EFHC2: variants seen among roughly 807,000 people sequenced by gnomAD.
EFHC2 encodes the protein EF-hand domain-containing family member C2.
EFHC2 carries 18 observed loss-of-function variants against 52.7 expected under a neutral mutation model. That is an observed-to-expected ratio of 0.34 (90% CI 0.24 to 0.51). The LOEUF is 0.51. Ranked by LOEUF, EFHC2 falls within the 20% of genes least tolerant of loss-of-function variation. The pLI is 0.97. For missense variants in EFHC2, 513 were observed against 562.5 expected, an observed-to-expected ratio of 0.91 and a Z score of 0.89; for synonymous variants, 203 against 204.1, an observed-to-expected ratio of 0.99 and a Z score of 0.04.
At chrX:44,175,640 T>C (rs886181329) in intron 13 of EFHC2, among the ~76,000 whole-genome samples, 3 of 111,126 alleles carry the variant, frequency 2.7e-5, no homozygotes, top group African/African-American at 9.8e-5. Context: ...AGATAATATA[T>C]CCAAAACAAT....
intron 1 of EFHC2, among the ~76,000 whole-genome samples, chrX:44,320,790 C>T (rs974089812): frequency 1.8e-5 from 2 of 110,333 alleles, no homozygotes; most frequent in African/African-American, 6.6e-5. Flanking sequence ...CCGAGAGTCC[C>T]TTCTCCCCTC....
intron 1 of EFHC2, among the ~76,000 whole-genome samples, chrX:44,334,201 G>C (rs1405461189): frequency 8.9e-6 from 1 of 111,970 alleles, no homozygotes; most frequent in Non-Finnish European, 1.9e-5. Context: ...TTAGGTGTTT[G>C]AATCCTACAT....
At chrX:44,180,158 T>C (rs2036822774) in intron 11 of EFHC2, among the ~76,000 whole-genome samples, 1 of 111,992 alleles carries the variant, frequency 8.9e-6, no homozygotes, top group Non-Finnish European at 1.9e-5. Flanking sequence ...ACTGATGGAG[T>C]GGGGCTCAGT....
At chrX:44,171,997 T>C (rs1382967306) in intron 13 of EFHC2, among the ~76,000 whole-genome samples, 1 of 111,840 alleles carries the variant, frequency 8.9e-6, no homozygotes, top group Non-Finnish European at 1.9e-5. Context: ...CAGGTATTGT[T>C]GGGTGAAATC....
intron 7 of EFHC2, among the ~76,000 whole-genome samples, chrX:44,243,860 C>T (rs2037379460): frequency 8.9e-6 from 1 of 111,952 alleles, no homozygotes; most frequent in South Asian, 3.7e-4. Flanking sequence ...TTGCAGTAGA[C>T]TCTATCATTG....
chrX:44,149,044 T>C, intron 14 of EFHC2, 148 bp from the exon 15 acceptor site: 1 of 464,815 alleles, frequency 2.2e-6, no homozygotes, highest in South Asian at 3.6e-5. Context: ...TACTTGTTCT[T>C]GATTCTTCAT....
intron 11 of EFHC2, among the ~76,000 whole-genome samples, chrX:44,193,840 C>T (rs1356307796): frequency 8.9e-6 from 1 of 112,043 alleles, no homozygotes; most frequent in African/African-American, 3.2e-5. Flanking sequence ...GAAAGACCAG[C>T]TTTTGATTTA....
rs2037148042 is a variant in EFHC2 at position 44,216,301 on chromosome X, A to G, written c.1751+13348T>C. Among the ~76,000 whole-genome samples, 4 of 112,243 alleles carry G rather than the reference A, an allele frequency of 3.6e-5. No homozygotes were observed. In the South Asian group the frequency reaches 1.5e-3, roughly 42 times the overall value. ...GAAGATTCTATAACTGGAGGCTTGA[A>G]TTATGCCTGACAAGGGCCATTAGCT... On this transcript the variant is annotated intron_variant, in intron 11 of 14. Transcript: ENST00000420999.
At chrX:44,192,061 AGTGTGTGTGT>A (rs3037410) in intron 11 of EFHC2, among the ~76,000 whole-genome samples, 3 of 95,344 alleles carry the variant, frequency 3.1e-5, no homozygotes, top group Non-Finnish European at 4.3e-5. Flanking sequence ...CACATATGTA[AGTGTGTGTGT>A]GTGTGTGTGT....
chrX:44,329,273 C>CA (rs773975825), intron 1 of EFHC2, among the ~76,000 whole-genome samples: 20 of 109,450 alleles, frequency 1.8e-4, no homozygotes, highest in East Asian at 1.1e-3. Flanking sequence ...TTAGGAAAAA[C>CA]AAAAAAAAGA....
chrX:44,163,901 T>TA, intron 14 of EFHC2, 21 bp downstream of exon 14: 1 of 1,059,618 alleles, frequency 9.4e-7, no homozygotes, highest in Non-Finnish European at 1.3e-6. Flanking sequence ...AGATGGTTTT[T>TA]AAAATAGGTA....
At chrX:44,219,367 T>C (rs1458928731) in intron 11 of EFHC2, among the ~76,000 whole-genome samples, 1 of 111,114 alleles carries the variant, frequency 9.0e-6, no homozygotes, top group African/African-American at 3.3e-5. Flanking sequence ...TGAACATAAA[T>C]TTCACATCAA....
intron 11 of EFHC2, among the ~76,000 whole-genome samples, chrX:44,188,140 C>T (rs1220031654): frequency 5.5e-5 from 5 of 90,516 alleles, no homozygotes. Flanking sequence ...GCCACCACGC[C>T]CAGCAATTTT....
At chrX:44,167,484 T>C (rs2036704874) in intron 13 of EFHC2, among the ~76,000 whole-genome samples, 1 of 112,623 alleles carries the variant, frequency 8.9e-6, no homozygotes, top group Non-Finnish European at 1.9e-5. Context: ...CCAGTTCATA[T>C]GTCAGACTCA....
chrX:44,283,145 C>T (rs1205357247), intron 2 of EFHC2, among the ~76,000 whole-genome samples: 3 of 111,699 alleles, frequency 2.7e-5, no homozygotes, highest in Non-Finnish European at 3.8e-5. Flanking sequence ...CTCCAAAGGG[C>T]CTTGTATTCC....
chrX:44,270,331 C>T (rs2037608655), intron 3 of EFHC2, among the ~76,000 whole-genome samples: 1 of 111,818 alleles, frequency 8.9e-6, no homozygotes, highest in Non-Finnish European at 1.9e-5. Flanking sequence ...CCTCTGCACA[C>T]TTAATGAGGT....
At chrX:44,214,658 A>C (rs1162791972) in intron 11 of EFHC2, among the ~76,000 whole-genome samples, 1 of 112,524 alleles carries the variant, frequency 8.9e-6, no homozygotes, top group Non-Finnish European at 1.9e-5. Flanking sequence ...AAAATCTTAG[A>C]TCTACATAAG....
intron 11 of EFHC2, among the ~76,000 whole-genome samples, chrX:44,202,947 G>A (rs1001193188): frequency 9.0e-6 from 1 of 110,842 alleles, no homozygotes; most frequent in Non-Finnish European, 1.9e-5. Flanking sequence ...ATGGAGAGAC[G>A]GGTCATCTCT....
intron 2 of EFHC2, among the ~76,000 whole-genome samples, chrX:44,289,982 G>T (rs184935868): frequency 1.2e-4 from 13 of 111,895 alleles, no homozygotes; most frequent in Non-Finnish European, 2.4e-4. Context: ...CACCCGGCCC[G>T]GTCTACGTCT....
Sources: allele counts gnomAD v4.1 joint callset (sites outside exome capture counted in the v4.1 genomes callset), GRCh38; gene constraint gnomAD v4.1.1; transcripts MANE v1.5; gene names NCBI Gene and HGNC (gene_info 2026-07-23, HGNC 2026-07-21).